FARP1: variants seen among roughly 807,000 people sequenced by gnomAD.
FARP1 encodes FERM, ARHGEF and pleckstrin domain-containing protein 1.
Under a neutral mutation model 128.8 loss-of-function variants are expected in FARP1, and 52 were observed. The observed-to-expected ratio is 0.40, with a 90% CI of 0.32 to 0.51. The LOEUF (loss-of-function observed/expected upper bound fraction) is 0.51. Among genes scored for constraint, FARP1 ranks in the 20% least tolerant of loss-of-function variants. The pLI, the probability that FARP1 is intolerant of heterozygous loss-of-function variation, is 0.45. For synonymous variants in FARP1, 580 were observed against 551.8 expected, an observed-to-expected ratio of 1.05 and a Z score of -0.72; for missense variants, 1,333 against 1,367.9, an observed-to-expected ratio of 0.97 and a Z score of 0.40.
At chr13:98,284,805 A>G (rs1197613643) in intron 2 of FARP1, among the ~76,000 whole-genome samples, 3 of 152,224 alleles carry the variant, frequency 2.0e-5, no homozygotes, top group African/African-American at 7.2e-5. Flanking sequence ...GTGTTGGATT[A>G]AAACCAGGCT....
intron 2 of FARP1, among the ~76,000 whole-genome samples, chr13:98,251,737 C>T (rs1185017533): frequency 6.6e-6 from 1 of 151,008 alleles, no homozygotes; most frequent in Non-Finnish European, 1.5e-5. Flanking sequence ...GGACAAACAA[C>T]TACCAAAGCC....
intron 17 of FARP1, among the ~76,000 whole-genome samples, chr13:98,429,279 A>AG (rs1891920846): frequency 6.6e-6 from 1 of 152,168 alleles, no homozygotes; most frequent in South Asian, 2.1e-4. Context: ...CACTGTGTGC[A>AG]GAGTCTCTGG....
In FARP1 at chr13:98,280,076, C is replaced by A. The variant is rs59290946; in HGVS notation, c.172-63686C>A. Among the ~76,000 whole-genome samples, 17 of 152,140 alleles carry A rather than the reference C, an allele frequency of 1.1e-4. 1 individual carries two copies. Among genetic ancestry groups the A allele is most frequent in the Admixed American group, 1.3e-4 (2 of 15,284 alleles). On this transcript the variant is annotated intron_variant, in intron 2 of 26. Transcript: ENST00000319562. The stretch of plus-strand genomic sequence containing the variant: ...CCCTGCTCCCAGCCATGCATGTCGC[C>A]TCCATTTCCTCTCTGCCTGCAGTGC...
rs185582807 is a variant in FARP1 at position 98,435,322 on chromosome 13, T to C, written c.2144-254T>C. The C allele has an allele frequency of 1.1e-3, 367 of 321,226 alleles. 9 individuals are homozygous for C. Among genetic ancestry groups the C allele is most frequent in the South Asian group, 8.3e-3 (146 of 17,606 alleles). The allele number at this position is 321,226 out of a possible 1,614,324, so 19.9% of individuals were successfully genotyped here. A position where few individuals can be genotyped will look rare whatever the true frequency, so the allele number is the denominator to read the frequency against. The stretch of plus-strand genomic sequence containing the variant: ...CCTCTAAGCCAACAGGTCCGTCTAA[T>C]TGAAGGACAGCTGTATGCCACGTCA... On this transcript the variant is annotated intron_variant, in intron 18 of 26. Coordinates refer to ENST00000319562, the MANE Select transcript of FARP1 (RefSeq NM_005766.4).
intron 24 of FARP1, among the ~76,000 whole-genome samples, chr13:98,441,743 G>A (rs111689491): frequency 0.021 from 3,195 of 152,260 alleles, 56 homozygotes; most frequent in Middle Eastern, 0.041. Flanking sequence ...TCAATGACCC[G>A]CCTTAAGGAA....
Position 98,176,564 on chromosome 13 carries a change from C to T in FARP1, c.-24+33072C>T, listed in dbSNP as rs1388970512. 6.2e-7 allele frequency: 1 copy of T among 1,614,246 alleles called. No individual in the cohort carries two copies. The highest frequency in any genetic ancestry group is 8.5e-7 in the Non-Finnish European group (1 of 1,180,036). On this transcript the variant is annotated intron_variant, in intron 1 of 26. Transcript: ENST00000319562. This position sits in a 1 kb window ranked among gnomAD's most constrained non-coding sequence, Gnocchi z 6.2. ...CCCTCTTCAAGCTCCCGTTCAATCT[C>T]CCACCCGAGCTTGTAATCGGAACGG...
chr13:98,243,652 G>A (rs1283959665), intron 2 of FARP1, among the ~76,000 whole-genome samples: 2 of 145,808 alleles, frequency 1.4e-5, no homozygotes, highest in Non-Finnish European at 3.0e-5. Flanking sequence ...AGCCTAGATC[G>A]TGCCACTGCG....
intron 2 of FARP1, among the ~76,000 whole-genome samples, chr13:98,267,013 CAA>C (rs368229193): frequency 0.041 from 2,630 of 64,160 alleles, 59 homozygotes; most frequent in African/African-American, 0.13. Flanking sequence ...ACTCCCATCT[CAA>C]AAAAAAAAAA....
intron 4 of FARP1, among the ~76,000 whole-genome samples, chr13:98,367,631 A>C (rs2139973380): frequency 6.6e-6 from 1 of 152,242 alleles, no homozygotes; most frequent in East Asian, 1.9e-4. Flanking sequence ...GCTGGCTGAG[A>C]CAAAGCCAGG....
At chr13:98,359,229 T>C (rs1888763889) in intron 3 of FARP1, among the ~76,000 whole-genome samples, 1 of 152,216 alleles carries the variant, frequency 6.6e-6, no homozygotes, top group Admixed American at 6.5e-5. Flanking sequence ...CCTTCATTCA[T>C]GTGTGAAGTG....
intron 17 of FARP1, among the ~76,000 whole-genome samples, chr13:98,429,217 G>A (rs1043469151): frequency 3.9e-5 from 6 of 152,214 alleles, no homozygotes; most frequent in Non-Finnish European, 8.8e-5. Flanking sequence ...GGAGTACAGA[G>A]CAGGGCAGGC....
intron 2 of FARP1, among the ~76,000 whole-genome samples, chr13:98,250,404 A>G (rs1883266002): frequency 6.6e-6 from 1 of 152,208 alleles, no homozygotes; most frequent in African/African-American, 2.4e-5. Context: ...AGAGGCTATA[A>G]AAAGTGTAAG....
chr13:98,303,059 A>G (rs999106857), intron 2 of FARP1, among the ~76,000 whole-genome samples: 7 of 152,186 alleles, frequency 4.6e-5, no homozygotes, highest in African/African-American at 1.4e-4. Context: ...ATATCAATAT[A>G]ATTTACCTTG....
intron 11 of FARP1, among the ~76,000 whole-genome samples, chr13:98,393,311 G>A (rs1183114277): frequency 2.6e-5 from 4 of 152,182 alleles, no homozygotes; most frequent in African/African-American, 7.2e-5. Flanking sequence ...ATGGGAGGGC[G>A]CAGCCACATC....
chr13:98,209,471 G>T (rs914387761), intron 1 of FARP1, among the ~76,000 whole-genome samples: 3 of 83,836 alleles, frequency 3.6e-5, no homozygotes, highest in Non-Finnish European at 4.8e-5. Context: ...GGGGAGGAAA[G>T]ATTTTTTTTT....
intron 3 of FARP1, among the ~76,000 whole-genome samples, chr13:98,344,309 T>A (rs796608118): frequency 1.3e-4 from 20 of 152,186 alleles, no homozygotes; most frequent in African/African-American, 4.8e-4. Flanking sequence ...TGGCAGGAGC[T>A]GGATGGATTC....
intron 3 of FARP1, among the ~76,000 whole-genome samples, chr13:98,363,108 C>T (rs564924862): frequency 6.6e-6 from 1 of 152,196 alleles, no homozygotes; most frequent in South Asian, 2.1e-4. Flanking sequence ...CTAATCATGT[C>T]CTCCCCATGG....
chr13:98,356,645 A>ATTTATTTG lies in FARP1; in HGVS notation c.277-8743_277-8742insGTTTATTT, dbSNP rs1255382065. The stretch of plus-strand genomic sequence containing the variant: ...ATTTTATTTATTTATTTATTTATTT[A>ATTTATTTG]TTTATTTATTTTTGAGACAGCCTCG... On this transcript the variant is annotated intron_variant, in intron 3 of 26. Transcript: ENST00000319562. Among the ~76,000 whole-genome samples, 9 of 151,146 alleles carry ATTTATTTG rather than the reference A, an allele frequency of 6.0e-5. No homozygotes were observed. In the South Asian group the frequency reaches 1.7e-3, roughly 28 times the overall value.
At chr13:98,272,967 G>T (rs1454056016) in intron 2 of FARP1, among the ~76,000 whole-genome samples, 1 of 152,186 alleles carries the variant, frequency 6.6e-6, no homozygotes, top group Non-Finnish European at 1.5e-5. Context: ...TTCTAAAGAG[G>T]TATATTCTGA....
Sources: gnomAD v4.1 joint callset for allele counts (sites outside exome capture counted in the v4.1 genomes callset) on GRCh38, gnomAD v4.1.1 for gene constraint, Gnocchi (gnomAD v3.1) non-coding constraint, MANE v1.5 for transcripts, NCBI Gene and HGNC (gene_info 2026-07-23, HGNC 2026-07-21) for gene names.